The following ECI1 variants were observed in gnomAD, a reference collection of about 807,000 sequenced individuals.
The protein encoded by ECI1 is enoyl-CoA delta isomerase 1.
ECI1 carries 34 observed loss-of-function variants against 34.2 expected under a neutral mutation model. The ratio of observed to expected loss-of-function variants is 1.00; its 90% CI spans 0.76 to 1.33. ECI1 has a LOEUF of 1.33. Ranked by LOEUF, ECI1 falls within the 40% of genes most tolerant of loss-of-function variation. The probability of loss-of-function intolerance (pLI) is 0.00; values close to 1 mark genes in which losing one functional copy is unlikely to be tolerated. For missense variants in ECI1, 456 were observed against 422.2 expected (o/e 1.08, Z -0.70); for synonymous variants, 211 against 193.0 (o/e 1.09, Z -0.77).
rs531830336 is a variant in ECI1, at chr16:2,250,723, G to A, written c.166+593C>T. Among the ~76,000 whole-genome samples the A allele has an allele frequency of 5.9e-5, 9 of 152,356 alleles. No homozygotes were observed. The East Asian group carries it at 1.7e-3, about 29-fold the overall frequency. ...GTACGAGGTTCTGTGCCACATGGGA[G>A]TGTTAACAAACGTAATTTTATTCCA... On this transcript the variant is annotated intron_variant, in intron 2 of 6. Transcript: ENST00000301729.
chr16:2,244,608 A>G (rs2093536147), intron 3 of ECI1, 56 bp from the exon 4 acceptor site: 7 of 1,541,998 alleles, frequency 4.5e-6, no homozygotes, highest in Non-Finnish European at 6.1e-6. Context: ...AGCTGGCATC[A>G]CAGCAGGAGG....
Position 2,239,563 on chromosome 16 carries a change from G to A in ECI1, c.*416C>T, listed in dbSNP as rs2093522845. ...GATGAGTAAGGGCAGTGACCAAAGG[G>A]CTTTTCCCTGGGGAGTTCTGTGTGG... On this transcript the variant is annotated 3_prime_UTR_variant, in exon 7 of 7. Transcript: ENST00000301729. 5 of 311,406 alleles carry A rather than the reference G, an allele frequency of 1.6e-5. No individual in the cohort carries two copies. The highest frequency in any genetic ancestry group is 8.7e-5 in the South Asian group (3 of 34,456). The allele number at this position is 311,406 out of a possible 1,614,324, so 19.3% of individuals were successfully genotyped here.
At chr16:2,244,784 C>T (rs1309098427) in intron 3 of ECI1, among the ~76,000 whole-genome samples, 1 of 152,230 alleles carries the variant, frequency 6.6e-6, no homozygotes, top group Non-Finnish European at 1.5e-5. Context: ...CCGCTTCAAA[C>T]TGGATAGGAG....
chr16:2,249,202 C>T (rs1052229593), intron 2 of ECI1, among the ~76,000 whole-genome samples: 34 of 152,062 alleles, frequency 2.2e-4, no homozygotes, highest in African/African-American at 7.2e-4. Context: ...CCCGCCACCA[C>T]GCCCGGCTAA....
At chr16:2,244,172 CACTGGCTCTTT>C (rs1302437696) in intron 4 of ECI1, 4 of 590,494 alleles carry the variant, frequency 6.8e-6, no homozygotes, top group Non-Finnish European at 1.2e-5. Flanking sequence ...GGTCCCTACC[CACTGGCTCTTT>C]TCTGGGTCTT....
At chr16:2,246,795 G>A in intron 3 of ECI1, 64 bp downstream of exon 3, 1 of 1,607,602 alleles carries the variant, frequency 6.2e-7, no homozygotes, top group Non-Finnish European at 8.5e-7. Context: ...AACAGGCCTG[G>A]GCTCACATCA....
chr16:2,243,094 C>A lies in ECI1; in HGVS notation c.694G>T (p.Val232Leu). Residue 232 changes from valine to leucine, a missense_variant, in exon 6 of 7, where the codon GTG becomes TTG. Physicochemically the swap from Val to Leu is conservative, Grantham distance 32. Coordinates refer to ENST00000301729, the MANE Select transcript of ECI1 (RefSeq NM_001919.4). ...IVDQVVPEEQ[V>L]QSTALSAIAQ... ...ATCGCTGACAGCGCAGTGCTCTGCACCTGCTCCTCCGGGACCACCTGGTCC... is the reference window on the plus strand; with the variant it reads ...ATCGCTGACAGCGCAGTGCTCTGCAACTGCTCCTCCGGGACCACCTGGTCC... 6.2e-7 allele frequency: 1 copy of A among 1,605,312 alleles called. No individual in the cohort carries two copies.
chr16:2,244,468 C>T lies in ECI1; in HGVS notation c.379G>A (p.Ala127Thr). Residue 127 changes from alanine (A) to threonine (T), a missense_variant, in exon 4 of 7, where the codon GCC becomes ACC. Ala to Thr is a moderately conservative substitution (Grantham distance 58). Transcript: ENST00000301729. Reference protein sequence around the residue: ...SPAHYAGYWKAVQELWLRLYQ... With the variant: ...SPAHYAGYWKTVQELWLRLYQ... The stretch of plus-strand genomic sequence containing the variant: ...AACCGCAGCCACAGCTCCTGAACGG[C>T]CTTCCAGTACCCAGCGTAGTGGGCG... 1 of 1,611,902 alleles carries T rather than the reference C, an allele frequency of 6.2e-7. No individual in the cohort carries two copies. Among genetic ancestry groups the T allele is most frequent in the Non-Finnish European group, 8.5e-7 (1 of 1,179,532 alleles).
intron 4 of ECI1, among the ~76,000 whole-genome samples, chr16:2,243,905 A>G (rs2093534103): frequency 6.6e-6 from 1 of 152,072 alleles, no homozygotes; most frequent in African/African-American, 2.4e-5. Context: ...CCCGCGCAGG[A>G]CCCATCCTGT....
chr16:2,246,953 A>C lies in ECI1; in HGVS notation c.200T>G (p.Val67Gly), dbSNP rs750052090. The C allele has an allele frequency of 1.4e-5, 22 of 1,613,746 alleles. No homozygotes were observed. The highest frequency in any genetic ancestry group is 1.9e-5 in the Non-Finnish European group (22 of 1,179,998). ...CAGAAACTCCAGGCTCAGGCTGTTC[A>C]CTGGGGGGTTCTTGAATTTCATCAC... The part of the protein sequence containing the change: ...VAVMKFKNPP[V>G]NSLSLEFLTE... Residue 67 changes from valine (V) to glycine (G), a missense_variant, in exon 3 of 7, where the codon GTG becomes GGG. By Grantham distance (109) the Val-to-Gly change is moderately radical. Transcript: ENST00000301729.
intron 3 of ECI1, among the ~76,000 whole-genome samples, chr16:2,244,856 G>A (rs889729580): frequency 1.3e-5 from 2 of 152,346 alleles, no homozygotes; most frequent in Admixed American, 6.5e-5. Flanking sequence ...GGCTCTGCAC[G>A]CCTGGCTCGG....
chr16:2,251,584 G>A lies in ECI1; in HGVS notation c.-18C>T, dbSNP rs772551198. On this transcript the variant is annotated 5_prime_UTR_variant, in exon 1 of 7. Coordinates refer to ENST00000301729, the MANE Select transcript of ECI1 (RefSeq NM_001919.4). ...AGCGCCATCTTGACCGCAACGCGCG[G>A]GATAAAGGTCGCGGGCTGAGCTCGC... 4.5e-6 allele frequency: 7 copies of A among 1,551,396 alleles called. No individual in the cohort carries two copies. The East Asian group carries it at 1.7e-4, about 38-fold the overall frequency.
chr16:2,246,033 G>A (rs1379873447), intron 3 of ECI1, among the ~76,000 whole-genome samples: 2 of 152,160 alleles, frequency 1.3e-5, no homozygotes, highest in African/African-American at 4.8e-5. Flanking sequence ...CTTGAGGTCA[G>A]GAGTTCTAGG....
chr16:2,251,381 C>T lies in ECI1; in HGVS notation c.101G>A (p.Gly34Asp). 1 of 1,252,878 alleles carries T rather than the reference C, an allele frequency of 8.0e-7. No homozygotes were observed. Among genetic ancestry groups the T allele is most frequent in the South Asian group, 3.2e-5 (1 of 30,896 alleles). The allele number at this position is 1,252,878 out of a possible 1,614,324, so 77.6% of individuals were successfully genotyped here. Residue 34 changes from glycine (G) to aspartate (D), a missense_variant, in exon 2 of 7, where the codon GGC becomes GAC. Gly to Asp is a moderately conservative substitution (Grantham distance 94). Transcript: ENST00000301729. ...AALGRTERAA[G>D]GGDGARRFGS... Reference sequence around the variant, plus strand: ...GAAGCGCCGCGCGCCGTCTCCGCCGCCGGCCGCCCGCTCCGTCCGCCCGAG... The same window carrying T: ...GAAGCGCCGCGCGCCGTCTCCGCCGTCGGCCGCCCGCTCCGTCCGCCCGAG...
At chr16:2,249,264 T>C (rs1180602005) in intron 2 of ECI1, among the ~76,000 whole-genome samples, 1 of 151,792 alleles carries the variant, frequency 6.6e-6, no homozygotes, top group African/African-American at 2.4e-5. Flanking sequence ...TTAGCCAGAA[T>C]GGTCTCAATC....
intron 6 of ECI1, chr16:2,240,556 C>A (rs1043190735): frequency 3.8e-6 from 1 of 266,578 alleles, no homozygotes. Flanking sequence ...ACAGGATATT[C>A]TCTGTCGCCC....
rs910779027 is a variant in ECI1 at position 2,243,065 on chromosome 16, G to C, written c.723C>G (p.Ala241=). The C allele has an allele frequency of 6.2e-7, 1 of 1,603,718 alleles. No homozygotes were observed. The highest frequency in any genetic ancestry group is 1.3e-5 in the African/African-American group (1 of 74,980). The change falls in exon 6 of 7, where the codon GCC becomes GCG. Residue 241 remains alanine (A), a synonymous_variant. Transcript: ENST00000301729. The stretch of plus-strand genomic sequence containing the variant: ...CCTCACCTGGAATGGCCATCCACTG[G>C]GCTATCGCTGACAGCGCAGTGCTCT... The part of the protein sequence containing the change: ...QVQSTALSAI[A]QWMAIPDHAR...
At position 2,251,389 on chromosome 16, in the gene ECI1, C is replaced by A; in HGVS notation, c.93G>T (p.Arg31=). The A allele has an allele frequency of 7.9e-7, 1 of 1,269,250 alleles. No homozygotes were observed. The highest frequency in any genetic ancestry group is 9.9e-7 in the Non-Finnish European group (1 of 1,010,436). 78.6% of individuals were successfully genotyped at this position (1,269,250 alleles called of 1,614,324 possible). The change falls in exon 2 of 7, where the codon CGG becomes CGT. Residue 31 remains arginine (R), a synonymous_variant. Transcript: ENST00000301729. The stretch of plus-strand genomic sequence containing the variant: ...GCGCGCCGTCTCCGCCGCCGGCCGC[C>A]CGCTCCGTCCGCCCGAGGGCCGCGC... ...LPGAALGRTE[R]AAGGGDGARR... is the part of the protein sequence containing the mutation.
intron 6 of ECI1, chr16:2,241,161 TA>T (rs1567311997): frequency 6.7e-6 from 1 of 149,032 alleles, no homozygotes; most frequent in Non-Finnish European, 1.5e-5. Flanking sequence ...TCAAAAAAAA[TA>T]AATAAAATAA....
Sources: allele counts gnomAD v4.1 joint callset (sites outside exome capture counted in the v4.1 genomes callset), GRCh38; gene constraint gnomAD v4.1.1; transcripts MANE v1.5; gene names NCBI Gene and HGNC (gene_info 2026-07-23, HGNC 2026-07-21).